GPHN: variants seen among roughly 807,000 people sequenced by gnomAD.
GPHN encodes the protein gephyrin.
GPHN carries 17 observed loss-of-function variants against 95.5 expected under a neutral mutation model. The ratio of observed to expected loss-of-function variants is 0.18; its 90% CI spans 0.12 to 0.27. The LOEUF is 0.27. Among genes scored for constraint, GPHN ranks in the 10% least tolerant of loss-of-function variants. The probability of loss-of-function intolerance (pLI) is 1.00; values close to 1 mark genes in which losing one functional copy is unlikely to be tolerated. For missense variants in GPHN, 660 were observed against 978.1 expected (o/e 0.67, Z 4.34); for synonymous variants, 320 against 322.5 (o/e 0.99, Z 0.08).
Position 66,776,526 on chromosome 14 carries a change from A to T in GPHN, c.201+5A>T. On this transcript the variant is annotated splice_donor_5th_base_variant and intron_variant, in intron 3 of 22. Transcript: ENST00000478722. ...GATGAAATAGAAGAAATCAAGGTAT[A>T]GTATGGCATTTTTCACCTCTACAAA... The T allele has an allele frequency of 6.5e-7, 1 of 1,539,222 alleles. No individual in the cohort carries two copies. Among genetic ancestry groups the T allele is most frequent in the Non-Finnish European group, 9.0e-7 (1 of 1,112,612 alleles).
chr14:67,239,571 A>G, the GPHN span, among the ~76,000 whole-genome samples: 6 of 152,310 alleles, frequency 3.9e-5, no homozygotes, highest in Admixed American at 3.3e-4. Context: ...TTAAGAACTT[A>G]GAGGCGGGGC....
chr14:66,899,116 C>G (rs923465758), intron 5 of GPHN, among the ~76,000 whole-genome samples: 1 of 123,308 alleles, frequency 8.1e-6, no homozygotes, highest in Non-Finnish European at 1.6e-5. Context: ...TCTAGGAGGG[C>G]TTTTTCTTTT....
chr14:66,684,281 G>A (rs1185738932), intron 2 of GPHN, among the ~76,000 whole-genome samples: 2 of 152,078 alleles, frequency 1.3e-5, no homozygotes, highest in Non-Finnish European at 2.9e-5. Context: ...TTAGGCTAAG[G>A]AAAACCCAGG....
chr14:67,158,282 G>A (rs2081737060), intron 18 of GPHN, among the ~76,000 whole-genome samples: 1 of 149,668 alleles, frequency 6.7e-6, no homozygotes. Flanking sequence ...ACTCCAGCCT[G>A]GAGGACGAGA....
chr14:66,808,157 T>C lies in GPHN; in HGVS notation c.202-16317T>C, dbSNP rs113445767. 3.1e-3 allele frequency among the ~76,000 whole-genome samples: 471 copies of C among 152,352 alleles called. 11 individuals are homozygous for C. The highest frequency in any genetic ancestry group is 0.011 in the African/African-American group (446 of 41,584). On this transcript the variant is annotated intron_variant, in intron 3 of 22. Coordinates refer to ENST00000478722, the MANE Select transcript of GPHN (RefSeq NM_020806.5). ...GTGTTATTAAACATCTTTTCATGTC[T>C]TTATTAGCCATTGGGATCTCTTCTT... is the stretch of plus-strand genomic sequence containing the variant.
intron 1 of GPHN, among the ~76,000 whole-genome samples, chr14:66,600,923 A>T (rs1157599130): frequency 6.6e-6 from 1 of 152,050 alleles, no homozygotes; most frequent in Admixed American, 6.5e-5. Context: ...ACGAATATTG[A>T]TGTTGGGATA....
At chr14:66,731,057 C>T (rs983089773) in intron 2 of GPHN, among the ~76,000 whole-genome samples, 1 of 152,138 alleles carries the variant, frequency 6.6e-6, no homozygotes, top group African/African-American at 2.4e-5. Context: ...TCTTGCCTAC[C>T]GCCATGTAAG....
intron 1 of GPHN, among the ~76,000 whole-genome samples, chr14:66,511,557 C>T (rs1025540338): frequency 6.6e-5 from 10 of 152,096 alleles, no homozygotes; most frequent in Middle Eastern, 3.4e-3. Flanking sequence ...TTTTAATTGA[C>T]GTTGTGACAT....
chr14:67,722,789 A>G, the GPHN span: 2 of 1,198,618 alleles, frequency 1.7e-6, no homozygotes, highest in Non-Finnish European at 1.2e-6. Flanking sequence ...CTGAAAGAAG[A>G]GAAAGGGAAG....
chr14:66,876,681 C>A (rs1244335830), intron 4 of GPHN, among the ~76,000 whole-genome samples: 1 of 152,038 alleles, frequency 6.6e-6, no homozygotes, highest in Non-Finnish European at 1.5e-5. Context: ...TACACCCCCC[C>A]AAGACTAAAC....
the GPHN span, among the ~76,000 whole-genome samples, chr14:67,661,803 G>C: frequency 6.6e-6 from 1 of 151,926 alleles, no homozygotes; most frequent in South Asian, 2.1e-4. Context: ...CAAAGTGTTG[G>C]GATTGCAAGC....
chr14:67,023,563 C>A, intron 9 of GPHN, 70 bp from the exon 10 acceptor site: 1 of 1,176,184 alleles, frequency 8.5e-7, no homozygotes, highest in Non-Finnish European at 1.3e-6. Flanking sequence ...AGGAGCTTGC[C>A]CATTAAATAT....
chr14:67,359,673 A>T, the GPHN span: 3 of 1,613,900 alleles, frequency 1.9e-6, no homozygotes, highest in Non-Finnish European at 2.5e-6. Flanking sequence ...CGAGGGAAAG[A>T]TTTCAATTCG....
At chr14:67,595,007 G>A in the GPHN span, among the ~76,000 whole-genome samples, 1 of 151,806 alleles carries the variant, frequency 6.6e-6, no homozygotes, top group South Asian at 2.1e-4. Context: ...CGTAGTGGCA[G>A]GCACCTGTAG....
At position 66,868,191 on chromosome 14, in the gene GPHN, C is replaced by T. The variant is rs1007035508; in HGVS notation, c.295-11748C>T. Among the ~76,000 whole-genome samples, 3 of 152,062 alleles carry T rather than the reference C, an allele frequency of 2.0e-5. No homozygotes were observed. The South Asian group carries it at 6.2e-4, about 32-fold the overall frequency. Reference sequence around the variant, plus strand: ...TTAAGATTATTTAATCAGCAGAGGGCACTGCAGTAATTGTTAAGGAGGAAA... The same window carrying T: ...TTAAGATTATTTAATCAGCAGAGGGTACTGCAGTAATTGTTAAGGAGGAAA... On this transcript the variant is annotated intron_variant, in intron 4 of 22. Transcript: ENST00000478722.
chr14:66,941,937 C>T (rs1239957988), intron 8 of GPHN, among the ~76,000 whole-genome samples: 1 of 152,150 alleles, frequency 6.6e-6, no homozygotes, highest in Non-Finnish European at 1.5e-5. Context: ...CAAGGATCAG[C>T]AATATTCCAA....
At chr14:67,651,875 A>G in the GPHN span, among the ~76,000 whole-genome samples, 2 of 152,168 alleles carry the variant, frequency 1.3e-5, no homozygotes, top group Non-Finnish European at 2.9e-5. Context: ...TCCCTTGTAA[A>G]CTTCTTCCCT....
In GPHN at chr14:67,098,221, A is replaced by G. The variant is rs146892777; in HGVS notation, c.1238-2635A>G. ...TAACAGGTTGGCACTGCACTAAAATAGAAGCAGCGTCTAGGTTTACCCCCT... is the reference window on the plus strand; with the variant it reads ...TAACAGGTTGGCACTGCACTAAAATGGAAGCAGCGTCTAGGTTTACCCCCT... On this transcript the variant is annotated intron_variant, in intron 12 of 22. Transcript: ENST00000478722. Among the ~76,000 whole-genome samples the G allele has an allele frequency of 3.5e-3, 535 of 152,322 alleles. 2 individuals are homozygous for G. Among genetic ancestry groups the G allele is most frequent in the Non-Finnish European group, 5.6e-3 (384 of 68,022 alleles).
At chr14:67,440,299 G>GT in the GPHN span, among the ~76,000 whole-genome samples, 1 of 152,156 alleles carries the variant, frequency 6.6e-6, no homozygotes, top group Non-Finnish European at 1.5e-5. Flanking sequence ...CGGATGTAAA[G>GT]TTACATGAAA....
Sources: allele counts gnomAD v4.1 joint callset (sites outside exome capture counted in the v4.1 genomes callset), GRCh38; gene constraint gnomAD v4.1.1; transcripts MANE v1.5; gene names NCBI Gene and HGNC (gene_info 2026-07-23, HGNC 2026-07-21).